Variants in MBOAT2 observed in about 807,000 individuals in gnomAD.
MBOAT2 encodes the protein membrane bound glycerophospholipid O-acyltransferase 2.
Under a neutral mutation model 63.4 loss-of-function variants are expected in MBOAT2, and 28 were observed. That is an observed-to-expected ratio of 0.44 (90% confidence interval 0.33 to 0.61). The LOEUF (loss-of-function observed/expected upper bound fraction) is 0.61. Ranked by LOEUF, MBOAT2 falls within the 20% of genes least tolerant of loss-of-function variation. The probability of loss-of-function intolerance (pLI) is 0.03; values close to 1 mark genes in which losing one functional copy is unlikely to be tolerated. For missense variants in MBOAT2, 470 were observed against 605.8 expected, an observed-to-expected ratio of 0.78 and a Z score of 2.35; for synonymous variants, 211 against 215.6, an observed-to-expected ratio of 0.98 and a Z score of 0.19.
chr2:8,975,674 C>T (rs1016048900), intron 1 of MBOAT2, among the ~76,000 whole-genome samples: 3 of 151,724 alleles, frequency 2.0e-5, no homozygotes, highest in African/African-American at 7.3e-5. Context: ...CGTAAGGACA[C>T]ATTCTATCAA....
At chr2:8,977,176 T>G (rs982859315) in intron 1 of MBOAT2, among the ~76,000 whole-genome samples, 5 of 152,132 alleles carry the variant, frequency 3.3e-5, no homozygotes, top group African/African-American at 9.7e-5. Context: ...ACACTTTTAC[T>G]ATGTACAGCT....
At chr2:8,902,404 A>C (rs1022016539) in intron 4 of MBOAT2, among the ~76,000 whole-genome samples, 2 of 152,016 alleles carry the variant, frequency 1.3e-5, no homozygotes, top group African/African-American at 4.8e-5. Context: ...GAAGCCGCGG[A>C]CCCTTGCAGT....
At chr2:8,977,715 A>G (rs1670919543) in intron 1 of MBOAT2, among the ~76,000 whole-genome samples, 2 of 152,108 alleles carry the variant, frequency 1.3e-5, no homozygotes, top group South Asian at 2.1e-4. Context: ...CCATTAAACT[A>G]TCTCACTTGA....
At chr2:8,900,192 A>C (rs2148573289) in intron 4 of MBOAT2, among the ~76,000 whole-genome samples, 1 of 152,234 alleles carries the variant, frequency 6.6e-6, no homozygotes, top group East Asian at 1.9e-4. Context: ...CCATGATCTG[A>C]GTTGAGGTCC....
intron 1 of MBOAT2, among the ~76,000 whole-genome samples, chr2:8,995,880 C>G (rs1181227893): frequency 2.0e-5 from 3 of 152,196 alleles, no homozygotes; most frequent in Non-Finnish European, 2.9e-5. Flanking sequence ...CGTGAGCCAT[C>G]GCGCCCGGCC....
intron 1 of MBOAT2, among the ~76,000 whole-genome samples, chr2:8,971,735 A>G (rs1300814364): frequency 3.3e-5 from 5 of 152,154 alleles, no homozygotes; most frequent in Non-Finnish European, 7.3e-5. Context: ...AGACAAACAG[A>G]GAGCCAAATC....
At chr2:8,888,992 T>C (rs80231956) in intron 4 of MBOAT2, among the ~76,000 whole-genome samples, 2,198 of 152,298 alleles carry the variant, frequency 0.014, 53 homozygotes, top group African/African-American at 0.051. Context: ...GAAACAATAA[T>C]ATAATAAACC....
intron 1 of MBOAT2, among the ~76,000 whole-genome samples, chr2:8,969,994 G>A (rs1018633135): frequency 6.6e-6 from 1 of 152,138 alleles, no homozygotes; most frequent in African/African-American, 2.4e-5. Flanking sequence ...TCCAGGAATT[G>A]AACTCAGCTC....
chr2:8,912,020 G>A (rs187439749), intron 3 of MBOAT2, among the ~76,000 whole-genome samples: 94 of 151,952 alleles, frequency 6.2e-4, no homozygotes, highest in African/African-American at 2.2e-3. Flanking sequence ...GCAGAAAAAC[G>A]ATTTGACAAA....
At chr2:8,892,279 C>T (rs766900834) in intron 4 of MBOAT2, among the ~76,000 whole-genome samples, 7 of 152,170 alleles carry the variant, frequency 4.6e-5, no homozygotes, top group Non-Finnish European at 4.4e-5. Context: ...TACCCAGCAA[C>T]GGAGGCAAAC....
intron 1 of MBOAT2, among the ~76,000 whole-genome samples, chr2:8,962,137 T>C (rs1307036956): frequency 1.3e-5 from 2 of 152,196 alleles, no homozygotes; most frequent in Non-Finnish European, 2.9e-5. Flanking sequence ...CTAAGCACCT[T>C]ACATTTATAA....
In MBOAT2 at chr2:8,948,794, G is replaced by A. The variant is rs969618194; in HGVS notation, c.222-5530C>T. 2.6e-4 allele frequency among the ~76,000 whole-genome samples: 39 copies of A among 152,104 alleles called. 1 individual carries two copies. Among genetic ancestry groups the A allele is most frequent in the African/African-American group, 7.5e-4 (31 of 41,394 alleles). On this transcript the variant is annotated intron_variant, in intron 2 of 12. Coordinates refer to ENST00000305997, the MANE Select transcript of MBOAT2 (RefSeq NM_138799.4). Reference sequence around the variant, plus strand: ...TCTTTGCTATTGTGAACAGTGCTGCGATTAACAGGGAAATGCATGTGTCTT... The same window carrying A: ...TCTTTGCTATTGTGAACAGTGCTGCAATTAACAGGGAAATGCATGTGTCTT...
intron 2 of MBOAT2, among the ~76,000 whole-genome samples, chr2:8,947,961 G>T (rs550838698): frequency 6.6e-6 from 1 of 152,088 alleles, no homozygotes; most frequent in Non-Finnish European, 1.5e-5. Flanking sequence ...TTCCTCTGAC[G>T]GATCTAGGCA....
In MBOAT2 at chr2:8,863,186, A is replaced by C. The variant is rs112492303; in HGVS notation, c.1053-464T>G. Among the ~76,000 whole-genome samples, 198 of 152,312 alleles carry C rather than the reference A, an allele frequency of 1.3e-3. 1 individual carries two copies. Among genetic ancestry groups the C allele is most frequent in the African/African-American group, 4.5e-3 (188 of 41,568 alleles). On this transcript the variant is annotated intron_variant, in intron 10 of 12. Coordinates refer to ENST00000305997, the MANE Select transcript of MBOAT2 (RefSeq NM_138799.4). ...GAAAATAAAGTTTCCCTAAGGTATC[A>C]AATTTAAATTATAACAATAACAAAA... is the stretch of plus-strand genomic sequence containing the variant.
chr2:8,861,172 A>G (rs1435586287), intron 11 of MBOAT2: 1 of 152,590 alleles, frequency 6.6e-6, no homozygotes, highest in Non-Finnish European at 1.5e-5. Context: ...ATATAAATAA[A>G]GTTTGGTTTA....
intron 1 of MBOAT2, among the ~76,000 whole-genome samples, chr2:8,986,084 A>G (rs1308739689): frequency 6.6e-6 from 1 of 152,068 alleles, no homozygotes; most frequent in Non-Finnish European, 1.5e-5. Context: ...ACAACACTTC[A>G]TCTTTGTGGT....
At chr2:8,861,360 C>A (rs1279748470) in intron 11 of MBOAT2, among the ~76,000 whole-genome samples, 1 of 152,108 alleles carries the variant, frequency 6.6e-6, no homozygotes, top group African/African-American at 2.4e-5. Flanking sequence ...GGGAGGAGGG[C>A]AGTGGTAGAA....
intron 1 of MBOAT2, among the ~76,000 whole-genome samples, chr2:8,992,486 A>G (rs2103365271): frequency 6.6e-6 from 1 of 152,358 alleles, no homozygotes; most frequent in African/African-American, 2.4e-5. Context: ...TTTTTCATGT[A>G]TATATTGTAG....
rs886950099 is a variant in MBOAT2 at position 8,853,014 on chromosome 2, G to T, written c.*5665C>A. 2.0e-5 allele frequency: 3 copies of T among 152,240 alleles called. No homozygotes were observed. The highest frequency in any genetic ancestry group is 4.4e-5 in the Non-Finnish European group (3 of 68,044). The allele number at this position is 152,240 out of a possible 1,614,324, so 9.4% of individuals were successfully genotyped here. On this transcript the variant is annotated 3_prime_UTR_variant, in exon 13 of 13. Coordinates refer to ENST00000305997, the MANE Select transcript of MBOAT2 (RefSeq NM_138799.4). ...CTATTCTCAACTTGGGAAGGCAAATGTAAATACTAAATTCTGGCTGCTGGA... is the reference window on the plus strand; with the variant it reads ...CTATTCTCAACTTGGGAAGGCAAATTTAAATACTAAATTCTGGCTGCTGGA...
Sources: gnomAD v4.1 joint callset for allele counts (sites outside exome capture counted in the v4.1 genomes callset) on GRCh38, gnomAD v4.1.1 for gene constraint, MANE v1.5 for transcripts, NCBI Gene and HGNC (gene_info 2026-07-23, HGNC 2026-07-21) for gene names.